PLEKHS1: variants seen among roughly 807,000 people sequenced by gnomAD.
The protein encoded by PLEKHS1 is pleckstrin homology domain containing S1.
A neutral mutation model predicts 51.0 loss-of-function variants in PLEKHS1; 55 were observed. That is an observed-to-expected ratio of 1.08 (90% CI 0.87 to 1.35). PLEKHS1 has a LOEUF of 1.35. Among genes scored for constraint, PLEKHS1 ranks in the 40% most tolerant of loss-of-function variants. The pLI, the probability that PLEKHS1 is intolerant of heterozygous loss-of-function variation, is 0.00. For missense variants in PLEKHS1, 398 were observed against 423.0 expected (o/e 0.94, Z 0.52); for synonymous variants, 153 against 144.8 (o/e 1.06, Z -0.41).
At chr10:113,752,131 T>C (rs1220731084) in intron 1 of PLEKHS1, among the ~76,000 whole-genome samples, 2 of 152,142 alleles carry the variant, frequency 1.3e-5, no homozygotes, top group African/African-American at 4.8e-5. Flanking sequence ...CTTTCTTAGA[T>C]AGGAGGAAAA....
chr10:113,764,078 C>A (rs998784205), intron 2 of PLEKHS1, among the ~76,000 whole-genome samples: 2 of 152,016 alleles, frequency 1.3e-5, no homozygotes, highest in African/African-American at 4.8e-5. Flanking sequence ...AGTATTTTTT[C>A]AGTACTTTAA....
chr10:113,775,529 C>T (rs962803630), intron 10 of PLEKHS1, among the ~76,000 whole-genome samples: 1 of 152,198 alleles, frequency 6.6e-6, no homozygotes, highest in African/African-American at 2.4e-5. Flanking sequence ...CTGATGTGGA[C>T]AGTTACATAA....
exon 8 of PLEKHS1, chr10:113,772,001 G>A (rs955994585): frequency 6.2e-7 from 1 of 1,613,276 alleles, no homozygotes; most frequent in Admixed American, 1.7e-5. Flanking sequence ...CCAGGATTTA[G>A]GCAAACTCAC....
In PLEKHS1 at chr10:113,762,365, C is replaced by CTTTTTTTTTTTTTTTTTTT. The variant is rs34457408; in HGVS notation, c.29-4043_29-4025dup. On this transcript the variant is annotated intron_variant, in intron 2 of 11. Coordinates refer to ENST00000361048, the Ensembl canonical transcript of PLEKHS1. ...TCCTCTATTGACTTTAGATTTGTTCCTTTTTTTTTTTTTTTTTTTTTCAGT... is the reference window on the plus strand; with the variant it reads ...TCCTCTATTGACTTTAGATTTGTTCCTTTTTTTTTTTTTTTTTTTTTTTTTTTTTTTTTTTTTTTTCAGT... Among the ~76,000 whole-genome samples the CTTTTTTTTTTTTTTTTTTT allele has an allele frequency of 9.7e-5, 6 of 61,786 alleles. 1 individual carries two copies. Among genetic ancestry groups the CTTTTTTTTTTTTTTTTTTT allele is most frequent in the South Asian group, 8.1e-4 (1 of 1,236 alleles). 40.5% of individuals were successfully genotyped at this position (61,786 alleles called of 152,430 possible). A position where few individuals can be genotyped will look rare whatever the true frequency, so the allele number is the denominator to read the frequency against.
At chr10:113,768,920 G>A (rs372473596) in intron 6 of PLEKHS1, 30 bp downstream of exon 6, 2 of 1,547,182 alleles carry the variant, frequency 1.3e-6, no homozygotes, top group African/African-American at 2.8e-5. Context: ...AAAATAACAG[G>A]GCACCTGAAC....
chr10:113,773,799 T>G (rs1844526710), intron 8 of PLEKHS1, among the ~76,000 whole-genome samples: 1 of 152,162 alleles, frequency 6.6e-6, no homozygotes, highest in African/African-American at 2.4e-5. Context: ...AACATTGCAA[T>G]GTCCCTGAAG....
intron 2 of PLEKHS1, among the ~76,000 whole-genome samples, chr10:113,757,569 G>GC (rs1263566346): frequency 2.0e-5 from 3 of 152,196 alleles, no homozygotes; most frequent in African/African-American, 7.2e-5. Context: ...CTTTTTGCTG[G>GC]CAGAGGGTCT....
intron 11 of PLEKHS1, chr10:113,778,193 G>A (rs1844755193): frequency 6.4e-6 from 1 of 156,924 alleles, no homozygotes; most frequent in Admixed American, 6.3e-5. Context: ...TCTCACTAAA[G>A]TGAGAGGCTG....
At chr10:113,757,790 C>A (rs1854193845) in intron 2 of PLEKHS1, among the ~76,000 whole-genome samples, 1 of 152,232 alleles carries the variant, frequency 6.6e-6, no homozygotes, top group Non-Finnish European at 1.5e-5. Context: ...TCCTCTCAAA[C>A]CCTGACACTG....
chr10:113,761,661 T>G (rs999108842), intron 2 of PLEKHS1, among the ~76,000 whole-genome samples: 2 of 152,142 alleles, frequency 1.3e-5, no homozygotes, highest in Non-Finnish European at 2.9e-5. Context: ...TAGTAGTTTT[T>G]GGGGATTCTT....
intron 2 of PLEKHS1, among the ~76,000 whole-genome samples, chr10:113,761,136 C>T (rs1843907721): frequency 6.6e-6 from 1 of 152,076 alleles, no homozygotes; most frequent in Admixed American, 6.6e-5. Flanking sequence ...TTCCATTGGC[C>T]TATGTGTCTT....
intron 2 of PLEKHS1, among the ~76,000 whole-genome samples, chr10:113,765,563 G>C (rs1593022095): frequency 6.6e-6 from 1 of 152,256 alleles, no homozygotes; most frequent in Middle Eastern, 3.4e-3. Flanking sequence ...TTGAAAACGG[G>C]GTGGCAGAAG....
At chr10:113,775,058 T>G (rs1844588032) in intron 10 of PLEKHS1, 23 bp downstream of exon 10, 1 of 1,602,374 alleles carries the variant, frequency 6.2e-7, no homozygotes, top group Non-Finnish European at 8.5e-7. Context: ...TTTCTAAAAC[T>G]TGATGGGCCC....
chr10:113,759,802 G>A (rs563471267), intron 2 of PLEKHS1, among the ~76,000 whole-genome samples: 1 of 152,128 alleles, frequency 6.6e-6, no homozygotes, highest in Non-Finnish European at 1.5e-5. Flanking sequence ...AAAATGGCTG[G>A]GTCATATGGT....
In PLEKHS1 at chr10:113,765,479, A is replaced by G. The variant is rs78190509; in HGVS notation, c.29-932A>G. ...TTTCAGCACACACATGTGTTAATCG[A>G]CACTCTTGAATACTTGAGGGAGACA... On this transcript the variant is annotated intron_variant, in intron 2 of 11. Transcript: ENST00000361048. 5,098 of 758,936 alleles carry G rather than the reference A, an allele frequency of 6.7e-3. 174 individuals are homozygous for G. In the African/African-American group the frequency reaches 0.077, roughly 11 times the overall value. 47.0% of individuals were successfully genotyped at this position (758,936 alleles called of 1,614,324 possible). A position where few individuals can be genotyped will look rare whatever the true frequency, so the allele number is the denominator to read the frequency against.
chr10:113,768,848 A>C (rs758809005), exon 6 of PLEKHS1: 8 of 1,613,810 alleles, frequency 5.0e-6, no homozygotes, highest in Non-Finnish European at 6.8e-6. Flanking sequence ...CCTTCATGTC[A>C]TCATTTCGCC....
At chr10:113,754,795 T>C (rs1405408456) in intron 1 of PLEKHS1, among the ~76,000 whole-genome samples, 1 of 152,170 alleles carries the variant, frequency 6.6e-6, no homozygotes, top group African/African-American at 2.4e-5. Context: ...TCCTTGTTCT[T>C]AAGTTTCCCC....
intron 4 of PLEKHS1, among the ~76,000 whole-genome samples, chr10:113,766,987 A>T (rs575776190): frequency 6.6e-6 from 1 of 152,332 alleles, no homozygotes; most frequent in East Asian, 1.9e-4. Flanking sequence ...TTTGTGGATG[A>T]GAGGGAGCAG....
chr10:113,763,062 C>T (rs116168631), intron 2 of PLEKHS1, among the ~76,000 whole-genome samples: 2,606 of 152,098 alleles, frequency 0.017, 71 homozygotes, highest in African/African-American at 0.06. Context: ...TCTATAATTG[C>T]GGATGTGTCC....
Sources: gnomAD v4.1 joint callset for allele counts (sites outside exome capture counted in the v4.1 genomes callset) on GRCh38, gnomAD v4.1.1 for gene constraint, MANE v1.5 for transcripts, NCBI Gene and HGNC (gene_info 2026-07-23, HGNC 2026-07-21) for gene names.